GRIK4: variants seen among roughly 807,000 people sequenced by gnomAD.
GRIK4 encodes the protein glutamate ionotropic receptor kainate type subunit 4, also known as glutamate receptor ionotropic, kainate 4.
Under a neutral mutation model 104.9 loss-of-function variants are expected in GRIK4, and 40 were observed. That is an observed-to-expected ratio of 0.38 (90% confidence interval 0.30 to 0.50). The LOEUF (loss-of-function observed/expected upper bound fraction) is 0.50, where lower values mean the gene tolerates loss of function less well. Among genes scored for constraint, GRIK4 ranks in the 20% least tolerant of loss-of-function variants. GRIK4 has a pLI of 0.93. For missense variants in GRIK4, 1,047 were observed against 1,308.1 expected (o/e 0.80, Z 3.08); for synonymous variants, 485 against 524.9 (o/e 0.92, Z 1.04).
Position 120,783,979 on chromosome 11 carries a change from C to T in GRIK4, c.83-18714C>T, listed in dbSNP as rs557963153. 1.2e-3 allele frequency among the ~76,000 whole-genome samples: 182 copies of T among 152,300 alleles called. 1 individual carries two copies. Among genetic ancestry groups the T allele is most frequent in the African/African-American group, 4.2e-3 (176 of 41,584 alleles). On this transcript the variant is annotated intron_variant, in intron 3 of 20. Coordinates refer to ENST00000527524, the MANE Select transcript of GRIK4 (RefSeq NM_014619.5). ...GGCAGTGTGTTACGGAGGTCCCAGC[C>T]TCAGGGAGGCTGAGGGGACAGGGAG...
At chr11:120,829,378 TA>T (rs141439904) in intron 6 of GRIK4, among the ~76,000 whole-genome samples, 4,295 of 149,482 alleles carry the variant, frequency 0.029, 201 homozygotes, top group African/African-American at 0.094. Flanking sequence ...GGCTGCCCCC[TA>T]AAAAAAAAAT....
chr11:120,534,715 G>T (rs1337800799), intron 1 of GRIK4, among the ~76,000 whole-genome samples: 1 of 152,178 alleles, frequency 6.6e-6, no homozygotes, highest in African/African-American at 2.4e-5. Context: ...TGGGAAGGAG[G>T]TGACTGCCAT....
chr11:120,904,661 G>A (rs755836737), intron 12 of GRIK4, among the ~76,000 whole-genome samples: 2 of 152,096 alleles, frequency 1.3e-5, no homozygotes, highest in South Asian at 2.1e-4. Context: ...CCTGTGCTCC[G>A]GCTACCCTGG....
At chr11:120,832,090 T>C in intron 7 of GRIK4, 60 bp downstream of exon 7, 1 of 1,206,888 alleles carries the variant, frequency 8.3e-7, no homozygotes. Context: ...CCTCCTTGCC[T>C]TGAGGGTCCT....
At chr11:120,917,495 T>TGTGA (rs1348012553) in intron 13 of GRIK4, among the ~76,000 whole-genome samples, 1 of 151,952 alleles carries the variant, frequency 6.6e-6, no homozygotes. Context: ...AAAGTGTAGG[T>TGTGA]GTGAGTACAT....
rs1950302529 is a variant in GRIK4 at position 120,688,122 on chromosome 11, G to A, written c.82+27722G>A. On this transcript the variant is annotated intron_variant, in intron 3 of 20. Transcript: ENST00000527524. ...TTCTCAGCCTCTCATCCTGGGCCTA[G>A]AAATGACATACCCTCCGGAAGTGAT... 3.9e-5 allele frequency among the ~76,000 whole-genome samples: 6 copies of A among 152,276 alleles called. No homozygotes were observed. In the South Asian group the frequency reaches 1.2e-3, roughly 32 times the overall value.
chr11:120,913,009 C>T (rs746359720), intron 13 of GRIK4, among the ~76,000 whole-genome samples: 7 of 152,208 alleles, frequency 4.6e-5, no homozygotes, highest in Non-Finnish European at 4.4e-5. Flanking sequence ...AACCTCTTGA[C>T]ATTTGGGCAG....
At chr11:120,640,360 A>G (rs1949455015) in intron 1 of GRIK4, among the ~76,000 whole-genome samples, 1 of 152,236 alleles carries the variant, frequency 6.6e-6, no homozygotes, top group African/African-American at 2.4e-5. Flanking sequence ...TGTGCCACAT[A>G]GAAGTTTGGA....
At chr11:120,977,642 C>T (rs1591353563) in intron 19 of GRIK4, among the ~76,000 whole-genome samples, 2 of 152,302 alleles carry the variant, frequency 1.3e-5, no homozygotes, top group Non-Finnish European at 2.9e-5. Context: ...GGCCACTCAG[C>T]CAGGAATCAG....
At chr11:120,878,925 G>A (rs1954889998) in intron 11 of GRIK4, among the ~76,000 whole-genome samples, 1 of 152,200 alleles carries the variant, frequency 6.6e-6, no homozygotes, top group South Asian at 2.1e-4. Flanking sequence ...GTGATGCTGG[G>A]CAGGGGAGGA....
At chr11:120,700,077 G>GGTAGTAAA (rs1950526838) in intron 3 of GRIK4, among the ~76,000 whole-genome samples, 1 of 152,094 alleles carries the variant, frequency 6.6e-6, no homozygotes, top group South Asian at 2.1e-4. Context: ...GAGATAGTAA[G>GGTAGTAAA]ATGGTTACTA....
intron 3 of GRIK4, among the ~76,000 whole-genome samples, chr11:120,667,682 G>A (rs1349527174): frequency 6.6e-6 from 1 of 152,216 alleles, no homozygotes; most frequent in Non-Finnish European, 1.5e-5. Context: ...TCCTCCCATT[G>A]AGCTGAGATA....
chr11:120,660,425 G>C, intron 3 of GRIK4, 25 bp downstream of exon 3: 1 of 1,549,880 alleles, frequency 6.5e-7, no homozygotes, highest in Non-Finnish European at 8.9e-7. Flanking sequence ...GCTTGGGGCA[G>C]TGCCCCCACC....
At chr11:120,601,536 G>A (rs183338202) in intron 1 of GRIK4, among the ~76,000 whole-genome samples, 37 of 152,142 alleles carry the variant, frequency 2.4e-4, no homozygotes, top group Non-Finnish European at 3.8e-4. Flanking sequence ...TCTGTTTAAG[G>A]CGGGGTGTGG....
intron 14 of GRIK4, among the ~76,000 whole-genome samples, chr11:120,944,251 T>G (rs886940057): frequency 1.4e-5 from 2 of 141,902 alleles, no homozygotes. Context: ...CTCACCCAAC[T>G]TAAATGTCCA....
chr11:120,603,965 T>C lies in GRIK4; in HGVS notation c.-158-49720T>C, dbSNP rs372495409. 3.2e-3 allele frequency among the ~76,000 whole-genome samples: 486 copies of C among 151,674 alleles called. 4 individuals carry two copies. Among genetic ancestry groups the C allele is most frequent in the African/African-American group, 0.011 (462 of 41,342 alleles). On this transcript the variant is annotated intron_variant, in intron 1 of 20. Transcript: ENST00000527524. ...GAAGGCGGATCACGAGGTCAGGAGA[T>C]CGAGACCATCCTGGCTAACACGGTG... is the stretch of plus-strand genomic sequence containing the variant.
intron 3 of GRIK4, among the ~76,000 whole-genome samples, chr11:120,767,257 A>G (rs1359984151): frequency 6.6e-6 from 1 of 152,116 alleles, no homozygotes; most frequent in Non-Finnish European, 1.5e-5. Context: ...TACAATTGTG[A>G]AGTGAAATCG....
intron 11 of GRIK4, among the ~76,000 whole-genome samples, chr11:120,884,849 C>T (rs545616430): frequency 6.6e-6 from 1 of 152,366 alleles, no homozygotes; most frequent in Admixed American, 6.5e-5. Context: ...GGGGCAGAGC[C>T]GGGCCATGCT....
chr11:120,655,464 T>A (rs1949692353), intron 2 of GRIK4, among the ~76,000 whole-genome samples: 1 of 152,120 alleles, frequency 6.6e-6, no homozygotes, highest in Non-Finnish European at 1.5e-5. Context: ...TTGAGGGGAT[T>A]GCCCTGATCT....
Sources: gnomAD v4.1 joint callset for allele counts (sites outside exome capture counted in the v4.1 genomes callset) on GRCh38, gnomAD v4.1.1 for gene constraint, MANE v1.5 for transcripts, NCBI Gene and HGNC (gene_info 2026-07-23, HGNC 2026-07-21) for gene names.